Variants in CSMD1 observed in about 807,000 individuals in gnomAD.
The protein encoded by CSMD1 is CUB and Sushi multiple domains 1.
A neutral mutation model predicts 417.5 loss-of-function variants in CSMD1; 213 were observed. The ratio of observed to expected loss-of-function variants is 0.51; its 90% CI spans 0.46 to 0.57. CSMD1 has a LOEUF of 0.57. CSMD1 is among the 20% of genes least tolerant of loss of function. The pLI, the probability that CSMD1 is intolerant of heterozygous loss-of-function variation, is 0.00. For missense variants in CSMD1, 6,923 were observed against 4,529.7 expected (o/e 1.53, Z -15.17); for synonymous variants, 2,862 against 1,736.8 (o/e 1.65, Z -16.11).
At chr8:2,980,938 GT>G (rs1403014515) in intron 54 of CSMD1, among the ~76,000 whole-genome samples, 4 of 152,184 alleles carry the variant, frequency 2.6e-5, no homozygotes, top group Non-Finnish European at 4.4e-5. Flanking sequence ...TGAGCCCCAT[GT>G]GGGGAAACTC....
chr8:4,752,601 A>G (rs1032293260), intron 1 of CSMD1, among the ~76,000 whole-genome samples: 1 of 152,216 alleles, frequency 6.6e-6, no homozygotes, highest in Non-Finnish European at 1.5e-5. Flanking sequence ...GTGAAATTCT[A>G]GAAAAATGTA....
chr8:4,303,316 C>G (rs577013138), intron 3 of CSMD1, among the ~76,000 whole-genome samples: 1 of 151,288 alleles, frequency 6.6e-6, no homozygotes, highest in Non-Finnish European at 1.5e-5. Flanking sequence ...CTGGCACTGA[C>G]AAATGTATTA....
chr8:3,660,456 T>C (rs983471418), intron 7 of CSMD1, among the ~76,000 whole-genome samples: 1 of 146,498 alleles, frequency 6.8e-6, no homozygotes, highest in African/African-American at 2.5e-5. Flanking sequence ...AATTTATATG[T>C]AAACTAGGGC....
chr8:4,254,498 TA>T (rs1803310254), intron 3 of CSMD1, among the ~76,000 whole-genome samples: 1 of 152,172 alleles, frequency 6.6e-6, no homozygotes, highest in Non-Finnish European at 1.5e-5. Context: ...ATTACTTTTT[TA>T]TACAAATAAA....
chr8:4,984,455 A>G (rs1169231182), intron 1 of CSMD1, among the ~76,000 whole-genome samples: 1 of 152,192 alleles, frequency 6.6e-6, no homozygotes, highest in African/African-American at 2.4e-5. Context: ...GGCCCTGAGC[A>G]TCAGTGTTTA....
At chr8:4,671,349 T>G (rs1232365284) in intron 1 of CSMD1, among the ~76,000 whole-genome samples, 1 of 152,190 alleles carries the variant, frequency 6.6e-6, no homozygotes, top group Admixed American at 6.5e-5. Flanking sequence ...TTGATGCTGT[T>G]TATCTACTTA....
At chr8:3,498,783 G>A (rs1318985804) in intron 10 of CSMD1, among the ~76,000 whole-genome samples, 1 of 151,894 alleles carries the variant, frequency 6.6e-6, no homozygotes, top group Non-Finnish European at 1.5e-5. Context: ...TGTTGTTGAA[G>A]CTCTTGATTT....
chr8:4,960,173 T>A (rs977636940), intron 1 of CSMD1, among the ~76,000 whole-genome samples: 1 of 152,194 alleles, frequency 6.6e-6, no homozygotes, highest in African/African-American at 2.4e-5. Flanking sequence ...TCTTTTTCAA[T>A]ATTTCTAAAG....
chr8:4,241,827 C>T (rs1486904918), intron 3 of CSMD1, among the ~76,000 whole-genome samples: 1 of 151,944 alleles, frequency 6.6e-6, no homozygotes, highest in African/African-American at 2.4e-5. Flanking sequence ...TCTCCTGTCT[C>T]AGCCTCCCAA....
chr8:4,461,356 A>C (rs1799805523), intron 2 of CSMD1, among the ~76,000 whole-genome samples: 1 of 151,970 alleles, frequency 6.6e-6, no homozygotes, highest in Admixed American at 6.6e-5. Context: ...TGGAGGTTTT[A>C]GCTAGGGCAG....
chr8:4,225,928 T>C (rs1373803437), intron 3 of CSMD1, among the ~76,000 whole-genome samples: 1 of 152,206 alleles, frequency 6.6e-6, no homozygotes, highest in Non-Finnish European at 1.5e-5. Context: ...ATTTCTTATT[T>C]GGTAGAATTT....
intron 3 of CSMD1, among the ~76,000 whole-genome samples, chr8:4,337,783 A>G (rs1237272694): frequency 6.6e-6 from 1 of 152,196 alleles, no homozygotes; most frequent in Admixed American, 6.6e-5. Context: ...TATTTTAATC[A>G]CACAGCTCTG....
intron 3 of CSMD1, among the ~76,000 whole-genome samples, chr8:4,212,784 A>G (rs538009253): frequency 2.9e-5 from 3 of 102,620 alleles, no homozygotes; most frequent in East Asian, 7.1e-4. Flanking sequence ...TTTACAAGCT[A>G]TTGAACAATC....
chr8:3,631,027 C>G (rs945500366), intron 7 of CSMD1, among the ~76,000 whole-genome samples: 1 of 152,212 alleles, frequency 6.6e-6, no homozygotes, highest in Non-Finnish European at 1.5e-5. Flanking sequence ...CTTGAAAACG[C>G]AATCATGCTT....
intron 5 of CSMD1, among the ~76,000 whole-genome samples, chr8:3,979,157 T>G (rs191723463): frequency 6.6e-6 from 1 of 152,244 alleles, no homozygotes; most frequent in Non-Finnish European, 1.5e-5. Context: ...GATCACATTT[T>G]ACAACACCTG....
chr8:4,302,375 T>A (rs912290285), intron 3 of CSMD1, among the ~76,000 whole-genome samples: 2 of 152,224 alleles, frequency 1.3e-5, no homozygotes, highest in African/African-American at 4.8e-5. Context: ...CAAGGGGTTA[T>A]ACTATTCAGG....
At chr8:3,044,436 T>C (rs1434185748) in intron 50 of CSMD1, among the ~76,000 whole-genome samples, 1 of 152,192 alleles carries the variant, frequency 6.6e-6, no homozygotes, top group Non-Finnish European at 1.5e-5. Context: ...AAATAAACAA[T>C]TTAGTTTTTC....
At chr8:3,513,025 A>G (rs1306549731) in intron 10 of CSMD1, among the ~76,000 whole-genome samples, 2 of 152,170 alleles carry the variant, frequency 1.3e-5, no homozygotes, top group African/African-American at 4.8e-5. Context: ...ATTTAAAAAT[A>G]CATTTGAGGT....
chr8:4,867,000 A>T (rs573558693), intron 1 of CSMD1, among the ~76,000 whole-genome samples: 3 of 152,010 alleles, frequency 2.0e-5, no homozygotes, highest in Admixed American at 6.5e-5. Flanking sequence ...TCAGCATATT[A>T]CTACTCAATT....
Sources: gnomAD v4.1 joint callset for allele counts (sites outside exome capture counted in the v4.1 genomes callset) on GRCh38, gnomAD v4.1.1 for gene constraint, MANE v1.5 for transcripts, NCBI Gene and HGNC (gene_info 2026-07-23, HGNC 2026-07-21) for gene names.